The following POPDC3 variants were observed in gnomAD, a reference collection of about 807,000 sequenced individuals.
POPDC3 encodes the protein popeye domain cAMP effector 3.
In POPDC3, 20 loss-of-function variants were observed where a neutral mutation model predicts 28.2. The observed-to-expected ratio is 0.71, with a 90% CI of 0.50 to 1.03. The LOEUF (loss-of-function observed/expected upper bound fraction) is 1.03, where lower values mean the gene tolerates loss of function less well. Among genes scored for constraint, POPDC3 ranks in the 50% least tolerant of loss-of-function variants. The pLI, the probability that POPDC3 is intolerant of heterozygous loss-of-function variation, is 0.00. For missense variants in POPDC3, 316 were observed against 345.9 expected, an observed-to-expected ratio of 0.91 and a Z score of 0.69; for synonymous variants, 118 against 124.1, an observed-to-expected ratio of 0.95 and a Z score of 0.33.
chr6:105,159,099 C>T (rs1201367923), intron 3 of POPDC3: 1 of 190,726 alleles, frequency 5.2e-6, no homozygotes, highest in Non-Finnish European at 1.1e-5. Context: ...AGACTGTGGA[C>T]ATTTAACCCT....
rs1309931904 is a variant in POPDC3 at position 105,158,677 on chromosome 6, C to G, written c.669G>C (p.Gln223His). 1.2e-6 allele frequency: 2 copies of G among 1,614,058 alleles called. No homozygotes were observed. Among genetic ancestry groups the G allele is most frequent in the East Asian group, 2.2e-5 (1 of 44,864 alleles). ...AAAAAAGGCGGGAGATGTAGCGATG[C>G]TGAGCAAAGAGCAGATATAATTTCT... ...RRKKLYLLFAQHRYISRLFSV... is the reference protein window; with the variant it reads ...RRKKLYLLFAHHRYISRLFSV... The change falls in exon 4 of 4, where the codon CAG (glutamine) becomes CAC (histidine). Residue 223 changes from glutamine to histidine, a missense_variant. Physicochemically the swap from Gln to His is conservative, Grantham distance 24 (BLOSUM62 0). Transcript: ENST00000254765.
intron 1 of POPDC3, among the ~76,000 whole-genome samples, chr6:105,173,665 A>G (rs1774626361): frequency 6.6e-6 from 1 of 152,226 alleles, no homozygotes; most frequent in South Asian, 2.1e-4. Flanking sequence ...TTCTGTTTAT[A>G]CCATGCTACA....
intron 1 of POPDC3, chr6:105,179,327 G>A: frequency 1.1e-6 from 1 of 899,930 alleles, no homozygotes; most frequent in Non-Finnish European, 1.3e-6. Flanking sequence ...CAGGCCCTTT[G>A]CTTACAGACC....
chr6:105,175,913 A>C (rs1303604310), intron 1 of POPDC3, among the ~76,000 whole-genome samples: 1 of 152,096 alleles, frequency 6.6e-6, no homozygotes, highest in African/African-American at 2.4e-5. Flanking sequence ...GTAATGTAAG[A>C]GTGCCCAGTG....
intron 1 of POPDC3, chr6:105,169,529 T>C (rs113617123): frequency 1.2e-3 from 188 of 152,324 alleles, no homozygotes; most frequent in African/African-American, 3.9e-3. Context: ...CTTTGTAACA[T>C]TGAGCCATAA....
In POPDC3 at chr6:105,158,230, G is replaced by A. The variant is rs1774225383; in HGVS notation, c.*240C>T. On this transcript the variant is annotated 3_prime_UTR_variant, in exon 4 of 4. Transcript: ENST00000254765. ...TCTCCCAGTTTTGATGCAGAAAAGG[G>A]CAAACTGCCCATAGTTATCCACCCC... The A allele has an allele frequency of 4.6e-6, 2 of 433,516 alleles. No homozygotes were observed. Among genetic ancestry groups the A allele is most frequent in the Non-Finnish European group, 8.1e-6 (2 of 245,774 alleles). The allele number at this position is 433,516 out of a possible 1,614,324, so 26.9% of individuals were successfully genotyped here. A position where few individuals can be genotyped will look rare whatever the true frequency, so the allele number is the denominator to read the frequency against.
chr6:105,160,958 G>A (rs866524002), intron 2 of POPDC3, among the ~76,000 whole-genome samples: 1 of 152,070 alleles, frequency 6.6e-6, no homozygotes, highest in African/African-American at 2.4e-5. Flanking sequence ...TTCCTGAAGT[G>A]TCTCCCCAGC....
At chr6:105,166,922 TTG>T (rs202126899) in intron 1 of POPDC3, among the ~76,000 whole-genome samples, 2 of 150,566 alleles carry the variant, frequency 1.3e-5, no homozygotes, top group Non-Finnish European at 3.0e-5. Context: ...TGATAGAGCA[TTG>T]TGTGTGTGTA....
intron 3 of POPDC3, among the ~76,000 whole-genome samples, chr6:105,159,395 G>A (rs930311239): frequency 3.3e-5 from 5 of 152,096 alleles, no homozygotes; most frequent in South Asian, 2.1e-4. Flanking sequence ...TCTAGACGTC[G>A]CATTAGCAGT....
chr6:105,174,525 A>G (rs1181261119), intron 1 of POPDC3, among the ~76,000 whole-genome samples: 2 of 152,206 alleles, frequency 1.3e-5, no homozygotes, highest in East Asian at 3.9e-4. Context: ...AAATATCGTA[A>G]GTTGAAAACA....
intron 1 of POPDC3, among the ~76,000 whole-genome samples, chr6:105,174,828 C>G (rs1774652494): frequency 6.6e-6 from 1 of 152,192 alleles, no homozygotes; most frequent in South Asian, 2.1e-4. Flanking sequence ...GGTAAAAGAA[C>G]CAGTGATTCA....
intron 1 of POPDC3, among the ~76,000 whole-genome samples, chr6:105,171,003 C>A (rs1774565919): frequency 1.3e-5 from 2 of 152,088 alleles, no homozygotes; most frequent in Admixed American, 6.6e-5. Flanking sequence ...GCCCTTAAAT[C>A]CTAGAATGAG....
intron 1 of POPDC3, among the ~76,000 whole-genome samples, chr6:105,176,672 T>C (rs1774688243): frequency 6.6e-6 from 1 of 152,202 alleles, no homozygotes; most frequent in Non-Finnish European, 1.5e-5. Context: ...TTCTCCTGCC[T>C]CAGCCTCCCA....
At chr6:105,169,829 T>C (rs1774538925) in intron 1 of POPDC3, 3 of 152,186 alleles carry the variant, frequency 2.0e-5, no homozygotes, top group Non-Finnish European at 2.9e-5. Flanking sequence ...AACACGAAGA[T>C]ATAGCCCAGA....
rs1774218445 is a variant in POPDC3, at chr6:105,157,913, T to C, written c.*557A>G. 6.6e-6 allele frequency among the ~76,000 whole-genome samples: 1 copy of C among 152,268 alleles called. No homozygotes were observed. The highest frequency in any genetic ancestry group is 1.5e-5 in the Non-Finnish European group (1 of 68,048). On this transcript the variant is annotated 3_prime_UTR_variant, in exon 4 of 4. Transcript: ENST00000254765. ...TCCAGGAAATGCTTCTTTTTAAATG[T>C]TATTTTATTTGTAGCAATAAAATAG...
intron 1 of POPDC3, among the ~76,000 whole-genome samples, chr6:105,173,119 T>A (rs1774612927): frequency 6.6e-6 from 1 of 152,232 alleles, no homozygotes; most frequent in South Asian, 2.1e-4. Flanking sequence ...ATTAGAATCA[T>A]TATCTTAAAT....
chr6:105,175,604 A>AG (rs1312010927), intron 1 of POPDC3, among the ~76,000 whole-genome samples: 1 of 151,782 alleles, frequency 6.6e-6, no homozygotes, highest in Admixed American at 6.6e-5. Flanking sequence ...GCACTTTGGG[A>AG]GGAGAGGTGG....
chr6:105,167,375 A>G (rs964761784), intron 1 of POPDC3, among the ~76,000 whole-genome samples: 1 of 152,214 alleles, frequency 6.6e-6, no homozygotes, highest in Non-Finnish European at 1.5e-5. Context: ...CTAAATAAAA[A>G]CTAGGGTTGT....
In POPDC3 at chr6:105,161,985, T is replaced by A; in HGVS notation, c.-76A>T. The A allele has an allele frequency of 6.6e-7, 1 of 1,520,860 alleles. No individual in the cohort carries two copies. Among genetic ancestry groups the A allele is most frequent in the Non-Finnish European group, 8.8e-7 (1 of 1,140,118 alleles). 94.2% of individuals were successfully genotyped at this position (1,520,860 alleles called of 1,614,324 possible). ...AACAGGTAACTAAGTCCTTTGGTTC[T>A]CCATCATGAGAGTTTTGTGCAGTCT... On this transcript the variant is annotated 5_prime_UTR_variant, in exon 2 of 4. Transcript: ENST00000254765.
Sources: allele counts gnomAD v4.1 joint callset (sites outside exome capture counted in the v4.1 genomes callset), GRCh38; gene constraint gnomAD v4.1.1; transcripts MANE v1.5; gene names NCBI Gene and HGNC (gene_info 2026-07-23, HGNC 2026-07-21).